Variants in TMEM132D observed in about 807,000 individuals in gnomAD.
The protein encoded by TMEM132D is mature OL transmembrane protein.
A neutral mutation model predicts 62.3 loss-of-function variants in TMEM132D; 21 were observed. That is an observed-to-expected ratio of 0.34 (90% CI 0.24 to 0.49). The LOEUF is 0.49. Among genes scored for constraint, TMEM132D ranks in the 20% least tolerant of loss-of-function variants. The pLI, the probability that TMEM132D is intolerant of heterozygous loss-of-function variation, is 0.99. For missense variants in TMEM132D, 1,346 were observed against 1,402.8 expected, an observed-to-expected ratio of 0.96 and a Z score of 0.65; for synonymous variants, 621 against 575.6, an observed-to-expected ratio of 1.08 and a Z score of -1.13.
chr12:129,097,311 T>G (rs11060130), intron 5 of TMEM132D, among the ~76,000 whole-genome samples: 4,623 of 152,360 alleles, frequency 0.03, 290 homozygotes, highest in East Asian at 0.17. Flanking sequence ...TTCTCAGCCC[T>G]GTTTGTAAAT....
chr12:129,206,988 C>G (rs749411923), intron 5 of TMEM132D, among the ~76,000 whole-genome samples: 20 of 152,116 alleles, frequency 1.3e-4, no homozygotes, highest in Non-Finnish European at 2.8e-4. Context: ...GAGAAAAATA[C>G]CTCTTGAGTA....
chr12:129,544,744 A>G (rs1288964011), intron 2 of TMEM132D, among the ~76,000 whole-genome samples: 1 of 152,246 alleles, frequency 6.6e-6, no homozygotes, highest in Non-Finnish European at 1.5e-5. Context: ...AGAAAAAATA[A>G]AAACTCACAG....
chr12:129,512,347 G>C (rs1875519852), intron 3 of TMEM132D, among the ~76,000 whole-genome samples: 1 of 152,172 alleles, frequency 6.6e-6, no homozygotes, highest in Non-Finnish European at 1.5e-5. Flanking sequence ...AGACTTTGTA[G>C]TGTCTTTTTT....
At chr12:129,289,994 T>C (rs952837398) in intron 4 of TMEM132D, among the ~76,000 whole-genome samples, 4 of 152,176 alleles carry the variant, frequency 2.6e-5, no homozygotes, top group Non-Finnish European at 5.9e-5. Context: ...GGGATAACTG[T>C]TGGAATTTGA....
intron 3 of TMEM132D, chr12:129,521,709 G>A (rs1010484672): frequency 6.6e-6 from 1 of 152,144 alleles, no homozygotes; most frequent in African/African-American, 2.4e-5. Context: ...TTTTCTCAAC[G>A]CTTCTGTCGC....
chr12:129,258,535 C>A (rs796393865), intron 4 of TMEM132D, among the ~76,000 whole-genome samples: 1 of 152,140 alleles, frequency 6.6e-6, no homozygotes, highest in Non-Finnish European at 1.5e-5. Flanking sequence ...ATGTGACTGT[C>A]CTAAATTAAT....
At chr12:129,603,653 A>G (rs1878540387) in intron 2 of TMEM132D, among the ~76,000 whole-genome samples, 1 of 152,226 alleles carries the variant, frequency 6.6e-6, no homozygotes, top group Admixed American at 6.5e-5. Context: ...GGCAATCATT[A>G]AAAAGTCTGG....
At chr12:129,096,062 A>G (rs1045294810) in intron 5 of TMEM132D, among the ~76,000 whole-genome samples, 3 of 152,176 alleles carry the variant, frequency 2.0e-5, no homozygotes, top group African/African-American at 4.8e-5. Flanking sequence ...TAAAGCTGCC[A>G]TCGAGGACAA....
intron 1 of TMEM132D, among the ~76,000 whole-genome samples, chr12:129,864,531 C>G (rs1186868684): frequency 6.6e-6 from 1 of 152,126 alleles, no homozygotes; most frequent in Non-Finnish European, 1.5e-5. Context: ...GTTTTTCCTG[C>G]TGAACCTGAA....
intron 4 of TMEM132D, among the ~76,000 whole-genome samples, chr12:129,247,447 G>C (rs917481835): frequency 1.3e-5 from 2 of 152,210 alleles, no homozygotes; most frequent in African/African-American, 2.4e-5. Context: ...TATTGAAATA[G>C]GTCATGCTCT....
intron 2 of TMEM132D, among the ~76,000 whole-genome samples, chr12:129,556,551 A>G (rs558841469): frequency 1.3e-5 from 2 of 151,992 alleles, no homozygotes; most frequent in South Asian, 4.2e-4. Flanking sequence ...AACCTCAAAT[A>G]CTAATATAAT....
At chr12:129,854,208 G>T (rs941655273) in intron 1 of TMEM132D, among the ~76,000 whole-genome samples, 1 of 152,162 alleles carries the variant, frequency 6.6e-6, no homozygotes. Flanking sequence ...GACACAAAAC[G>T]TTCAGCTATC....
intron 3 of TMEM132D, among the ~76,000 whole-genome samples, chr12:129,500,451 T>TC (rs11428302): frequency 9.6e-5 from 3 of 31,280 alleles, no homozygotes; most frequent in African/African-American, 9.4e-4. Flanking sequence ...TATGGATGGC[T>TC]TAGTAAGCTG....
At chr12:129,673,590 A>G (rs1371332687) in intron 2 of TMEM132D, among the ~76,000 whole-genome samples, 1 of 152,188 alleles carries the variant, frequency 6.6e-6, no homozygotes, top group African/African-American at 2.4e-5. Context: ...GTCCGAATAA[A>G]ATTCAGAGCA....
intron 1 of TMEM132D, among the ~76,000 whole-genome samples, chr12:129,824,498 G>A (rs1872612174): frequency 6.6e-6 from 1 of 152,060 alleles, no homozygotes; most frequent in South Asian, 2.1e-4. Flanking sequence ...GGATTCAGGA[G>A]GTGAAGCACT....
At chr12:129,676,299 C>T (rs973818309) in intron 2 of TMEM132D, among the ~76,000 whole-genome samples, 3 of 152,204 alleles carry the variant, frequency 2.0e-5, no homozygotes, top group East Asian at 1.9e-4. Flanking sequence ...ATTTATCTAT[C>T]TATCTATCTA....
At chr12:129,218,371 C>G (rs1023302551) in intron 4 of TMEM132D, among the ~76,000 whole-genome samples, 1 of 152,120 alleles carries the variant, frequency 6.6e-6, no homozygotes, top group Non-Finnish European at 1.5e-5. Context: ...TTCCACAAAC[C>G]TAGAAGGCAG....
Position 129,330,602 on chromosome 12 carries a change from A to C in TMEM132D, c.1299+7032T>G, listed in dbSNP as rs542750422. Among the ~76,000 whole-genome samples, 15 of 152,322 alleles carry C rather than the reference A, an allele frequency of 9.8e-5. No homozygotes were observed. In the East Asian group the frequency reaches 2.5e-3, roughly 26 times the overall value. On this transcript the variant is annotated intron_variant, in intron 4 of 8. Coordinates refer to ENST00000422113, the MANE Select transcript of TMEM132D (RefSeq NM_133448.3). ...GGAGTGAGACTGGTGGCATTGTAAG[A>C]GGAGGCAGAGAGACCTGAGACAGCA...
chr12:129,550,008 G>C (rs1006576327), intron 2 of TMEM132D, among the ~76,000 whole-genome samples: 2 of 152,098 alleles, frequency 1.3e-5, no homozygotes, highest in African/African-American at 4.8e-5. Flanking sequence ...ACCTTCTCTG[G>C]CTCTCTTTCC....
Sources: allele counts gnomAD v4.1 joint callset (sites outside exome capture counted in the v4.1 genomes callset), GRCh38; gene constraint gnomAD v4.1.1; transcripts MANE v1.5; gene names NCBI Gene and HGNC (gene_info 2026-07-23, HGNC 2026-07-21).